The following KSR2 variants were observed in gnomAD, a reference collection of about 807,000 sequenced individuals.
KSR2 encodes kinase suppressor of ras 2.
KSR2 carries 25 observed loss-of-function variants against 107.8 expected under a neutral mutation model. The ratio of observed to expected loss-of-function variants is 0.23; its 90% confidence interval spans 0.17 to 0.32. The LOEUF is 0.32. Among genes scored for constraint, KSR2 ranks in the 10% least tolerant of loss-of-function variants. The pLI, the probability that KSR2 is intolerant of heterozygous loss-of-function variation, is 1.00. For synonymous variants in KSR2, 480 were observed against 507.0 expected, an observed-to-expected ratio of 0.95 and a Z score of 0.71; for missense variants, 887 against 1,268.9, an observed-to-expected ratio of 0.70 and a Z score of 4.57.
At chr12:117,547,997 T>C (rs1565894813) in intron 9 of KSR2, among the ~76,000 whole-genome samples, 1 of 152,018 alleles carries the variant, frequency 6.6e-6, no homozygotes, top group South Asian at 2.1e-4. Flanking sequence ...TCTGGGAGAC[T>C]GAGGCAGGAG....
intron 4 of KSR2, among the ~76,000 whole-genome samples, chr12:117,714,180 C>T (rs965127819): frequency 2.6e-5 from 4 of 152,108 alleles, no homozygotes; most frequent in Non-Finnish European, 5.9e-5. Flanking sequence ...TCTTACTGAT[C>T]TATTATTCTT....
At chr12:117,513,530 C>A (rs1017052648) in intron 14 of KSR2, among the ~76,000 whole-genome samples, 1 of 152,196 alleles carries the variant, frequency 6.6e-6, no homozygotes, top group African/African-American at 2.4e-5. Context: ...GGGAAAGGGA[C>A]AAGTGGCAGG....
At chr12:117,703,862 T>A (rs1886421058) in intron 4 of KSR2, among the ~76,000 whole-genome samples, 1 of 152,156 alleles carries the variant, frequency 6.6e-6, no homozygotes, top group Non-Finnish European at 1.5e-5. Flanking sequence ...CCCCTCTCCA[T>A]GCAGTGTAAA....
chr12:117,567,148 A>T (rs190530577), intron 7 of KSR2, among the ~76,000 whole-genome samples: 1 of 152,352 alleles, frequency 6.6e-6, no homozygotes, highest in Admixed American at 6.5e-5. Context: ...AATAAAACAT[A>T]GTAGTATGTA....
chr12:117,849,561 G>C (rs1271062812), intron 3 of KSR2, among the ~76,000 whole-genome samples: 1 of 152,210 alleles, frequency 6.6e-6, no homozygotes, highest in African/African-American at 2.4e-5. Context: ...CAAGCTATGA[G>C]AAGAGAAAAA....
intron 14 of KSR2, among the ~76,000 whole-genome samples, chr12:117,513,391 G>C (rs1874157627): frequency 6.6e-6 from 1 of 152,180 alleles, no homozygotes; most frequent in South Asian, 2.1e-4. Context: ...CAGTGATCAA[G>C]CAACTGGAGC....
intron 14 of KSR2, among the ~76,000 whole-genome samples, chr12:117,508,916 G>C (rs886596048): frequency 6.6e-6 from 1 of 151,490 alleles, no homozygotes; most frequent in Non-Finnish European, 1.5e-5. Context: ...TGAGAGGGTG[G>C]GTGGGTGGAT....
At chr12:117,901,325 C>A (rs1894677851) in intron 1 of KSR2, among the ~76,000 whole-genome samples, 1 of 145,448 alleles carries the variant, frequency 6.9e-6, no homozygotes, top group Non-Finnish European at 1.5e-5. Flanking sequence ...TTTTTTGAGA[C>A]AGAATCTCAC....
At chr12:117,893,044 G>T (rs141643512) in intron 1 of KSR2, among the ~76,000 whole-genome samples, 5,290 of 150,034 alleles carry the variant, frequency 0.035, 285 homozygotes, top group African/African-American at 0.12. Flanking sequence ...TTGAGACGGG[G>T]TCTTACTCTG....
At chr12:117,623,267 A>G (rs1435427937) in intron 5 of KSR2, among the ~76,000 whole-genome samples, 1 of 152,178 alleles carries the variant, frequency 6.6e-6, no homozygotes, top group Non-Finnish European at 1.5e-5. Context: ...GTTCTAGGGT[A>G]CATGTGCACA....
At chr12:117,922,964 C>T (rs1020140436) in intron 1 of KSR2, among the ~76,000 whole-genome samples, 2 of 152,128 alleles carry the variant, frequency 1.3e-5, no homozygotes, top group African/African-American at 2.4e-5. Context: ...ATGAGCTGCC[C>T]GATGTACATG....
intron 3 of KSR2, among the ~76,000 whole-genome samples, chr12:117,815,021 C>T (rs1391362378): frequency 6.6e-6 from 1 of 152,148 alleles, no homozygotes; most frequent in South Asian, 2.1e-4. Flanking sequence ...ACAGATGGCT[C>T]TTAAATATAT....
At chr12:117,643,365 T>C (rs1565941232) in intron 5 of KSR2, among the ~76,000 whole-genome samples, 1 of 152,106 alleles carries the variant, frequency 6.6e-6, no homozygotes. Flanking sequence ...GAGAATCGCT[T>C]GAATCTGGGA....
At chr12:117,683,540 A>G (rs962743197) in intron 4 of KSR2, among the ~76,000 whole-genome samples, 1 of 152,228 alleles carries the variant, frequency 6.6e-6, no homozygotes, top group African/African-American at 2.4e-5. Flanking sequence ...TTATATGTCT[A>G]TTGGAACATT....
intron 9 of KSR2, among the ~76,000 whole-genome samples, chr12:117,543,989 G>A (rs775519635): frequency 9.9e-5 from 15 of 152,078 alleles, no homozygotes; most frequent in Admixed American, 3.9e-4. Flanking sequence ...TGATAAGGCC[G>A]AAAGTCATAT....
In KSR2 at chr12:117,530,175, A is replaced by G. The variant is rs766379771; in HGVS notation, c.1802+766T>C. Among the ~76,000 whole-genome samples the G allele has an allele frequency of 7.9e-5, 12 of 152,340 alleles. No individual in the cohort carries two copies. The Middle Eastern group carries it at 0.02, about 259-fold the overall frequency. On this transcript the variant is annotated intron_variant, in intron 12 of 19. Transcript: ENST00000339824. Reference sequence around the variant, plus strand: ...AACTATGTAAAATATAAATGGAAAGAACACACATAGAAGTTTTAACAGTGG... The same window carrying G: ...AACTATGTAAAATATAAATGGAAAGGACACACATAGAAGTTTTAACAGTGG...
At chr12:117,817,016 G>A (rs1345806624) in intron 3 of KSR2, among the ~76,000 whole-genome samples, 1 of 152,024 alleles carries the variant, frequency 6.6e-6, no homozygotes, top group East Asian at 1.9e-4. Context: ...GCTTTCCAAG[G>A]AAACCAATGG....
chr12:117,669,680 C>T (rs1219116276), intron 4 of KSR2, among the ~76,000 whole-genome samples: 3 of 151,928 alleles, frequency 2.0e-5, no homozygotes, highest in South Asian at 2.1e-4. Context: ...CCAGCCTGGG[C>T]AACATAGCAA....
chr12:117,508,783 G>C (rs1873854811), intron 14 of KSR2, among the ~76,000 whole-genome samples: 1 of 151,848 alleles, frequency 6.6e-6, no homozygotes, highest in African/African-American at 2.4e-5. Context: ...TAGATGGATG[G>C]GTGGCTGGAT....
Sources: allele counts gnomAD v4.1 joint callset (sites outside exome capture counted in the v4.1 genomes callset), GRCh38; gene constraint gnomAD v4.1.1; transcripts MANE v1.5; gene names NCBI Gene and HGNC (gene_info 2026-07-23, HGNC 2026-07-21).